The following UBE2L5 variants were observed in gnomAD, a reference collection of about 807,000 sequenced individuals.
UBE2L5 encodes ubiquitin-conjugating enzyme E2 L5.
Under a neutral mutation model 10.0 loss-of-function variants are expected in UBE2L5, and 3 were observed. That is an observed-to-expected ratio of 0.30 (90% CI 0.14 to 0.78). UBE2L5 has a LOEUF of 0.78. Ranked by LOEUF, UBE2L5 falls within the 30% of genes least tolerant of loss-of-function variation. The pLI, the probability that UBE2L5 is intolerant of heterozygous loss-of-function variation, is 0.65. For missense variants in UBE2L5, 131 were observed against 193.3 expected (o/e 0.68, Z 1.91); for synonymous variants, 60 against 71.9 (o/e 0.83, Z 0.83).
chr13:30,427,847 C>T lies in UBE2L5; in HGVS notation c.-144C>T. On this transcript the variant is annotated 5_prime_UTR_variant, in exon 4 of 4. Transcript: ENST00000635918. ...ATGTATAGGATTGTGGATGATCACTCTAACCAACCAGTGGGCAAGTTGCTT... is the reference window on the plus strand; with the variant it reads ...ATGTATAGGATTGTGGATGATCACTTTAACCAACCAGTGGGCAAGTTGCTT... The T allele has an allele frequency of 2.9e-6, 2 of 697,090 alleles. No individual in the cohort carries two copies. Among genetic ancestry groups the T allele is most frequent in the Non-Finnish European group, 5.2e-6 (2 of 380,990 alleles). 43.2% of individuals were successfully genotyped at this position (697,090 alleles called of 1,614,324 possible). A position where few individuals can be genotyped will look rare whatever the true frequency, so the allele number is the denominator to read the frequency against.
intron 2 of UBE2L5, among the ~76,000 whole-genome samples, chr13:30,426,320 C>A (rs925792499): frequency 3.3e-5 from 5 of 151,740 alleles, no homozygotes; most frequent in Non-Finnish European, 5.9e-5. Context: ...TCAAAAAAAA[C>A]AAAAAAGAAA....
chr13:30,427,269 G>A (rs989117209), intron 3 of UBE2L5, 92 bp from the exon 4 acceptor site: 2 of 152,108 alleles, frequency 1.3e-5, no homozygotes, highest in East Asian at 3.8e-4. Flanking sequence ...TTGCATGAGT[G>A]TATTTGTATA....
At chr13:30,426,022 G>T (rs1885533770) in intron 2 of UBE2L5, among the ~76,000 whole-genome samples, 1 of 148,198 alleles carries the variant, frequency 6.7e-6, no homozygotes, top group Admixed American at 6.7e-5. Context: ...CTCAAAAAAA[G>T]AAAAAAGGCC....
chr13:30,426,121 G>T (rs1214637887), intron 2 of UBE2L5, among the ~76,000 whole-genome samples: 1 of 152,016 alleles, frequency 6.6e-6, no homozygotes, highest in Non-Finnish European at 1.5e-5. Flanking sequence ...GACCAGCCTG[G>T]CCAACACGGC....
rs1470587438 is a variant in UBE2L5, at chr13:30,429,675, AT to A, written c.*1225del. Among the ~76,000 whole-genome samples, 3 of 152,220 alleles carry A rather than the reference AT, an allele frequency of 2.0e-5. No individual in the cohort carries two copies. The highest frequency in any genetic ancestry group is 2.9e-5 in the Non-Finnish European group (2 of 68,046). ...TTCACTCTCCTCCTTTTATGAAATA[AT>A]TTTTAGAAATTGAGCTGTTAAAGGT... On this transcript the variant is annotated 3_prime_UTR_variant, in exon 4 of 4. Coordinates refer to ENST00000635918, the MANE Select transcript of UBE2L5 (RefSeq NM_001355247.2).
In UBE2L5 at chr13:30,427,660, T is replaced by C. The variant is rs892697590; in HGVS notation, c.-331T>C. 3.4e-6 allele frequency: 1 copy of C among 293,794 alleles called. No homozygotes were observed. 18.2% of individuals were successfully genotyped at this position (293,794 alleles called of 1,614,324 possible). On this transcript the variant is annotated 5_prime_UTR_variant, in exon 4 of 4. Transcript: ENST00000635918. ...ACTAAAAATACAAAAAAAAGTTAGCTGTGCATGGTGGCACGTGCCTGTAAT... is the reference window on the plus strand; with the variant it reads ...ACTAAAAATACAAAAAAAAGTTAGCCGTGCATGGTGGCACGTGCCTGTAAT...
intron 1 of UBE2L5, 30 bp downstream of exon 1, chr13:30,422,707 A>T (rs559036237): frequency 6.6e-6 from 1 of 152,126 alleles, no homozygotes; most frequent in Admixed American, 6.5e-5. Context: ...ATTCACAAGG[A>T]TGCTTGTGAG....
At chr13:30,425,749 G>T (rs140599904) in intron 2 of UBE2L5, among the ~76,000 whole-genome samples, 1 of 151,764 alleles carries the variant, frequency 6.6e-6, no homozygotes, top group Non-Finnish European at 1.5e-5. Context: ...TAGGCCGGGC[G>T]TGGTGTTTCA....
intron 1 of UBE2L5, among the ~76,000 whole-genome samples, chr13:30,423,448 A>C (rs964711515): frequency 6.6e-6 from 1 of 152,078 alleles, no homozygotes; most frequent in Non-Finnish European, 1.5e-5. Context: ...TCCATCTCTA[A>C]AAAAATACAG....
chr13:30,423,959 T>TG (rs967593170), intron 1 of UBE2L5, among the ~76,000 whole-genome samples: 11 of 152,248 alleles, frequency 7.2e-5, no homozygotes, highest in African/African-American at 2.7e-4. Context: ...AGAGGGTGCA[T>TG]GCTGGAGCTC....
chr13:30,427,438 C>G lies in UBE2L5; in HGVS notation c.-553C>G, dbSNP rs1885552291. The G allele has an allele frequency of 6.6e-6, 1 of 152,216 alleles. No individual in the cohort carries two copies. Among genetic ancestry groups the G allele is most frequent in the African/African-American group, 2.4e-5 (1 of 41,428 alleles). The allele number at this position is 152,216 out of a possible 1,614,324, so 9.4% of individuals were successfully genotyped here. On this transcript the variant is annotated 5_prime_UTR_variant, in exon 4 of 4. Transcript: ENST00000635918. Reference sequence around the variant, plus strand: ...GGATCTCACTTTGTGCTGTGAAATGCAAGATGAGCAATCTGATCTGGACAT... The same window carrying G: ...GGATCTCACTTTGTGCTGTGAAATGGAAGATGAGCAATCTGATCTGGACAT...
rs1442798695 is a variant in UBE2L5, at chr13:30,429,739, T to C, written c.*1284T>C. ...TGTTTTTTGGAACAAGAACTTTAAT[T>C]AAAGGATCAAAAAGCCCAAGCTCTT... On this transcript the variant is annotated 3_prime_UTR_variant, in exon 4 of 4. Coordinates refer to ENST00000635918, the MANE Select transcript of UBE2L5 (RefSeq NM_001355247.2). Among the ~76,000 whole-genome samples the C allele has an allele frequency of 6.6e-6, 1 of 152,266 alleles. No homozygotes were observed. Among genetic ancestry groups the C allele is most frequent in the Non-Finnish European group, 1.5e-5 (1 of 68,046 alleles).
chr13:30,427,006 T>C (rs949828300), intron 3 of UBE2L5: 4 of 152,200 alleles, frequency 2.6e-5, no homozygotes, highest in Admixed American at 1.3e-4. Flanking sequence ...TAAAAGATAA[T>C]CTTACCTTTA....
Position 30,429,078 on chromosome 13 carries a change from C to T in UBE2L5, c.*623C>T. On this transcript the variant is annotated 3_prime_UTR_variant, in exon 4 of 4. Transcript: ENST00000635918. ...CTGAGGTCAGGAGTTCGAGACCAGCCTGGCCAACGTGGTGAAACCCCATCT... is the reference window on the plus strand; with the variant it reads ...CTGAGGTCAGGAGTTCGAGACCAGCTTGGCCAACGTGGTGAAACCCCATCT... Among the ~76,000 whole-genome samples, 1 of 151,812 alleles carries T rather than the reference C, an allele frequency of 6.6e-6. No homozygotes were observed. The highest frequency in any genetic ancestry group is 1.9e-4 in the East Asian group (1 of 5,172).
chr13:30,425,386 C>T (rs779302886), intron 2 of UBE2L5, among the ~76,000 whole-genome samples: 5 of 152,184 alleles, frequency 3.3e-5, no homozygotes, highest in Non-Finnish European at 7.4e-5. Context: ...CACAGTGAGG[C>T]AGGCACTTGG....
intron 1 of UBE2L5, among the ~76,000 whole-genome samples, 176 bp from the exon 2 acceptor site, chr13:30,424,632 A>G (rs1347677332): frequency 6.6e-6 from 1 of 152,182 alleles, no homozygotes; most frequent in African/African-American, 2.4e-5. Context: ...GATAGTTATA[A>G]CCAAACTACC....
chr13:30,428,023 T>C lies in UBE2L5; in HGVS notation c.33T>C (p.Leu11=), dbSNP rs140813882. Residue 11 remains leucine, a synonymous_variant, in exon 4 of 4, where the codon CTT becomes CTC. Transcript: ENST00000635918. MAASRRLMKE[L]EEIRKCGMEN... ...CCAGCAGGAGGCTGATGAAGGAGCT[T>C]GAAGAAATCCGCAAATGTGGAATGG... 4,480 of 1,606,154 alleles carry C rather than the reference T, an allele frequency of 2.8e-3. 38 individuals carry two copies. Among genetic ancestry groups the C allele is most frequent in the African/African-American group, 0.018 (1,320 of 74,854 alleles).
At chr13:30,423,703 G>A (rs990651713) in intron 1 of UBE2L5, among the ~76,000 whole-genome samples, 1 of 152,242 alleles carries the variant, frequency 6.6e-6, no homozygotes, top group African/African-American at 2.4e-5. Flanking sequence ...CGGTGGGAAG[G>A]TAGGGTAATA....
Position 30,427,691 on chromosome 13 carries a change from C to T in UBE2L5, c.-300C>T. The stretch of plus-strand genomic sequence containing the variant: ...TGGTGGCACGTGCCTGTAATCACAG[C>T]CACTTGGGAGGCCGAGGCGAGAGGA... On this transcript the variant is annotated 5_prime_UTR_variant, in exon 4 of 4. Transcript: ENST00000635918. 1 of 390,444 alleles carries T rather than the reference C, an allele frequency of 2.6e-6. No homozygotes were observed. The highest frequency in any genetic ancestry group is 4.1e-5 in the South Asian group (1 of 24,154). 24.2% of individuals were successfully genotyped at this position (390,444 alleles called of 1,614,324 possible). A position where few individuals can be genotyped will look rare whatever the true frequency, so the allele number is the denominator to read the frequency against.
Sources: allele counts gnomAD v4.1 joint callset (sites outside exome capture counted in the v4.1 genomes callset), GRCh38; gene constraint gnomAD v4.1.1; transcripts MANE v1.5; gene names NCBI Gene and HGNC (gene_info 2026-07-23, HGNC 2026-07-21).